The following DMD variants were observed in gnomAD, a reference collection of about 807,000 sequenced individuals.
DMD encodes dystrophin, also known as mutant dystrophin.
Under a neutral mutation model 330.1 loss-of-function variants are expected in DMD, and 63 were observed. That is an observed-to-expected ratio of 0.19 (90% CI 0.16 to 0.24). DMD has a LOEUF of 0.24. DMD is among the 10% of genes least tolerant of loss of function. The probability of loss-of-function intolerance (pLI) is 1.00; values close to 1 mark genes in which losing one functional copy is unlikely to be tolerated. For synonymous variants in DMD, 1,223 were observed against 959.8 expected (o/e 1.27, Z -5.07); for missense variants, 3,344 against 2,684.1 (o/e 1.25, Z -5.43).
At chrX:31,534,745 C>G (rs1157303665) in intron 55 of DMD, among the ~76,000 whole-genome samples, 19 of 39,387 alleles carry the variant, frequency 4.8e-4, no homozygotes, top group Non-Finnish European at 7.4e-4. Flanking sequence ...ACCCCATCGT[C>G]TCAGCCCAAA....
rs1020996095 is a variant in DMD, at chrX:33,041,408, G to A, written c.32-21208C>T. The A allele has an allele frequency of 6.7e-6, 8 of 1,194,656 alleles. No homozygotes were observed. In the African/African-American group the frequency reaches 1.2e-4, roughly 18 times the overall value. On this transcript the variant is annotated intron_variant, in intron 1 of 78. Coordinates refer to ENST00000357033, the MANE Select transcript of DMD (RefSeq NM_004006.3). Reference sequence around the variant, plus strand: ...GCTCGAGGGACCATGGCCGATCCTCGCGTGAGACAGATCAAGATCAAGACC... The same window carrying A: ...GCTCGAGGGACCATGGCCGATCCTCACGTGAGACAGATCAAGATCAAGACC...
intron 49 of DMD, among the ~76,000 whole-genome samples, chrX:31,835,855 G>A (rs942628406): frequency 8.1e-5 from 9 of 111,550 alleles, no homozygotes; most frequent in Non-Finnish European, 1.3e-4. Flanking sequence ...ACATGAGGAC[G>A]AGGTTCATTG....
intron 1 of DMD, among the ~76,000 whole-genome samples, chrX:33,338,063 C>A (rs780963550): frequency 8.9e-6 from 1 of 112,071 alleles, no homozygotes; most frequent in African/African-American, 3.2e-5. Flanking sequence ...AGGCTTTTCA[C>A]ACTTAGGAAA....
chrX:31,836,183 T>C (rs1447643986), intron 49 of DMD, among the ~76,000 whole-genome samples: 1 of 112,016 alleles, frequency 8.9e-6, no homozygotes, highest in African/African-American at 3.2e-5. Context: ...CAGGCCAGCT[T>C]TTTGCCAAAG....
At chrX:31,512,192 T>C (rs2071682549) in intron 55 of DMD, among the ~76,000 whole-genome samples, 1 of 110,987 alleles carries the variant, frequency 9.0e-6, no homozygotes. Flanking sequence ...TTTGTTTTTT[T>C]CTTGTACATT....
chrX:32,279,987 TATATATATATGTACCCCAC>T (rs202204564), intron 43 of DMD, among the ~76,000 whole-genome samples: 19,164 of 94,185 alleles, frequency 0.2, 2,093 homozygotes, highest in Admixed American at 0.28. Flanking sequence ...GTACCCCACA[TATATATATATGTACCCCAC>T]ATATATATAT....
At chrX:32,570,774 G>A (rs920635655) in intron 15 of DMD, among the ~76,000 whole-genome samples, 1 of 111,630 alleles carries the variant, frequency 9.0e-6, no homozygotes, top group Non-Finnish European at 1.9e-5. Context: ...TAATGAGATT[G>A]AAGAAACACT....
intron 54 of DMD, among the ~76,000 whole-genome samples, chrX:31,656,324 T>C (rs1277820280): frequency 8.9e-6 from 1 of 112,127 alleles, no homozygotes; most frequent in African/African-American, 3.2e-5. Context: ...GTCATTCCCA[T>C]GAAGAATCCA....
chrX:31,965,800 A>T, intron 45 of DMD, among the ~76,000 whole-genome samples: 1 of 112,096 alleles, frequency 8.9e-6, no homozygotes, highest in African/African-American at 3.2e-5. Context: ...TTCTTCTGTT[A>T]CATAATTGAA....
At chrX:32,735,215 G>A (rs1326534776) in intron 7 of DMD, among the ~76,000 whole-genome samples, 55 of 108,904 alleles carry the variant, frequency 5.1e-4, no homozygotes, top group African/African-American at 1.9e-3. Context: ...CAAGGGATGT[G>A]AAGGACCTCT....
intron 44 of DMD, among the ~76,000 whole-genome samples, chrX:32,141,737 T>C (rs2096755085): frequency 9.5e-6 from 1 of 105,724 alleles, no homozygotes; most frequent in Non-Finnish European, 1.9e-5. Context: ...TCTTGCATGG[T>C]TTCTCAAATA....
chrX:31,321,497 T>A (rs998077791), intron 62 of DMD, among the ~76,000 whole-genome samples: 1 of 102,274 alleles, frequency 9.8e-6, no homozygotes, highest in Middle Eastern at 5.4e-3. Flanking sequence ...GACGAAAGAA[T>A]TGCTTGAACC....
At chrX:33,157,236 G>A (rs972424123) in intron 1 of DMD, among the ~76,000 whole-genome samples, 37 of 111,115 alleles carry the variant, frequency 3.3e-4, no homozygotes, top group African/African-American at 9.2e-4. Context: ...AGTCTGTTCC[G>A]TGCCTCTTTC....
chrX:32,770,979 A>C (rs1351059522), intron 7 of DMD, among the ~76,000 whole-genome samples: 1 of 111,600 alleles, frequency 9.0e-6, no homozygotes, highest in African/African-American at 3.3e-5. Context: ...TAAGCAGTTG[A>C]ATCCTGTGAT....
Position 31,456,834 on chromosome X carries a change from A to ATGTGTG in DMD, c.8938-12208_8938-12207insCACACA, listed in dbSNP as rs1172234432. Among the ~76,000 whole-genome samples, 569 of 66,828 alleles carry ATGTGTG rather than the reference A, an allele frequency of 8.5e-3. 11 individuals are homozygous for ATGTGTG. The highest frequency in any genetic ancestry group is 0.033 in the African/African-American group (529 of 16,164). The allele number at this position is 66,828 out of a possible 115,157, so 58.0% of individuals were successfully genotyped here. On this transcript the variant is annotated intron_variant, in intron 59 of 78. Transcript: ENST00000357033. Reference sequence around the variant, plus strand: ...TATCCACTAGATACTGTGCCCACATATATGTGTGTGTGTGTGTGTGTGTGT... The same window carrying ATGTGTG: ...TATCCACTAGATACTGTGCCCACATATGTGTGTATGTGTGTGTGTGTGTGTGTGTGT...
intron 55 of DMD, among the ~76,000 whole-genome samples, chrX:31,571,062 C>T (rs2075784355): frequency 9.0e-6 from 1 of 111,651 alleles, no homozygotes; most frequent in Admixed American, 9.5e-5. Context: ...GTTAAACAGA[C>T]TCATGCCATT....
intron 61 of DMD, among the ~76,000 whole-genome samples, chrX:31,341,868 CGTGCGCGCGTGCGT>C (rs200435924): frequency 0.05 from 4,481 of 89,530 alleles, 85 homozygotes; most frequent in Non-Finnish European, 0.072. Flanking sequence ...TGTGATCTGG[CGTGCGCGCGTGCGT>C]GCGCGCGCGC....
intron 63 of DMD, among the ~76,000 whole-genome samples, chrX:31,235,287 T>C (rs915511939): frequency 3.6e-5 from 4 of 112,046 alleles, no homozygotes; most frequent in Non-Finnish European, 7.5e-5. Flanking sequence ...AGTATTCCAA[T>C]GAACATTTTT....
chrX:32,622,591 A>T (rs1157736620), intron 11 of DMD, among the ~76,000 whole-genome samples: 1 of 112,050 alleles, frequency 8.9e-6, no homozygotes, highest in Non-Finnish European at 1.9e-5. Flanking sequence ...AAAATTGAGT[A>T]TCAATTATAC....
Sources: allele counts gnomAD v4.1 joint callset (sites outside exome capture counted in the v4.1 genomes callset), GRCh38; gene constraint gnomAD v4.1.1; transcripts MANE v1.5; gene names NCBI Gene and HGNC (gene_info 2026-07-23, HGNC 2026-07-21).